Variants in DHX34 observed in about 807,000 individuals in gnomAD.
DHX34 encodes DExH-box helicase 34, also known as probable ATP-dependent RNA helicase DHX34.
A neutral mutation model predicts 111.1 loss-of-function variants in DHX34; 96 were observed. The observed-to-expected ratio is 0.86, with a 90% CI of 0.73 to 1.02. The LOEUF (loss-of-function observed/expected upper bound fraction) is 1.02, where lower values mean the gene tolerates loss of function less well. DHX34 is among the 50% of genes least tolerant of loss of function. DHX34 has a pLI of 0.00. For synonymous variants in DHX34, 688 were observed against 670.4 expected, an observed-to-expected ratio of 1.03 and a Z score of -0.41; for missense variants, 1,560 against 1,579.9, an observed-to-expected ratio of 0.99 and a Z score of 0.21.
rs1210264192 is a variant in DHX34 at position 47,379,847 on chromosome 19, C to T, written c.2844C>T (p.Ala948=). ...TGGCGGCTTCCCTGCGGCTCCGTGC[C>T]CGCTGGGAAAGTGCCCTGGACCGGC... is the stretch of plus-strand genomic sequence containing the variant. ...RLLAASLRLR[A]RWESALDRQL... is the part of the protein sequence containing the mutation. Residue 948 remains alanine, a synonymous_variant, in exon 14 of 17, where the codon GCC becomes GCT. Transcript: ENST00000328771. The T allele has an allele frequency of 1.2e-6, 2 of 1,613,662 alleles. No homozygotes were observed. Among genetic ancestry groups the T allele is most frequent in the Non-Finnish European group, 1.7e-6 (2 of 1,179,848 alleles).
Position 47,362,681 on chromosome 19 carries a change from G to C in DHX34, c.1581G>C (p.Ser527=). Residue 527 remains serine (S), a synonymous_variant, in exon 6 of 17, where the codon TCG becomes TCC. Coordinates refer to ENST00000328771, the MANE Select transcript of DHX34 (RefSeq NM_014681.6). The stretch of plus-strand genomic sequence containing the variant: ...AAATTCGGAGGGTGGCCCTGGACTC[G>C]TTGGTGCTGCAGGTGAGGCATGGGC... The part of the protein sequence containing the change: ...VPEIRRVALD[S]LVLQMKSMSV... 1 of 1,612,212 alleles carries C rather than the reference G, an allele frequency of 6.2e-7. No homozygotes were observed. The highest frequency in any genetic ancestry group is 8.5e-7 in the Non-Finnish European group (1 of 1,179,608).
chr19:47,354,306 T>C (rs1969385097), intron 2 of DHX34, among the ~76,000 whole-genome samples: 2 of 152,166 alleles, frequency 1.3e-5, no homozygotes, highest in African/African-American at 4.8e-5. Flanking sequence ...AACTGCCATC[T>C]TGGAAGGCCA....
chr19:47,354,950 G>A (rs1034122466), intron 2 of DHX34, 89 bp from the exon 3 acceptor site: 60 of 1,552,034 alleles, frequency 3.9e-5, no homozygotes, highest in Middle Eastern at 1.7e-4. Flanking sequence ...CACCGCACCC[G>A]GCCTGCTTAG....
At chr19:47,356,561 C>T (rs1178744019) in intron 3 of DHX34, among the ~76,000 whole-genome samples, 1 of 149,756 alleles carries the variant, frequency 6.7e-6, no homozygotes, top group African/African-American at 2.5e-5. Flanking sequence ...ACCCGGAGGT[C>T]GAGGTTGCAG....
chr19:47,360,984 A>C (rs1969615100), intron 5 of DHX34, among the ~76,000 whole-genome samples: 1 of 151,790 alleles, frequency 6.6e-6, no homozygotes, highest in African/African-American at 2.4e-5. Flanking sequence ...ATTCTATTTT[A>C]TGTGCTGCTC....
rs58465170 is a variant in DHX34, at chr19:47,358,144, G to A, written c.1272+24G>A. Reference sequence around the variant, plus strand: ...AGGTATCACAGGAAGCCCGAGTGGGGCAGGCGGGGGGTCTGCATGAGTCAG... The same window carrying A: ...AGGTATCACAGGAAGCCCGAGTGGGACAGGCGGGGGGTCTGCATGAGTCAG... On this transcript the variant is annotated intron_variant, in intron 4 of 16. Coordinates refer to ENST00000328771, the MANE Select transcript of DHX34 (RefSeq NM_014681.6). 1.8e-3 allele frequency: 2,800 copies of A among 1,595,316 alleles called. 49 individuals are homozygous for A. In the African/African-American group the frequency reaches 0.032, roughly 18 times the overall value.
intron 11 of DHX34, 83 bp downstream of exon 11, chr19:47,376,180 G>A: frequency 6.6e-7 from 1 of 1,504,230 alleles, no homozygotes. Flanking sequence ...GAATGCAGTG[G>A]TGACTGAAAC....
In DHX34 at chr19:47,382,187, G is replaced by C; in HGVS notation, c.*74G>C. 6.4e-7 allele frequency: 1 copy of C among 1,573,124 alleles called. No homozygotes were observed. Among genetic ancestry groups the C allele is most frequent in the Middle Eastern group, 1.8e-4 (1 of 5,526 alleles). On this transcript the variant is annotated 3_prime_UTR_variant, in exon 17 of 17. Coordinates refer to ENST00000328771, the MANE Select transcript of DHX34 (RefSeq NM_014681.6). The stretch of plus-strand genomic sequence containing the variant: ...GCCCAGGACTAGGGGCAGGACTCTT[G>C]CCTGAACCCCCAGCCTGGGCTTAGC...
At chr19:47,373,835 GGTGACCA>G in intron 9 of DHX34, 135 bp downstream of exon 9, 1 of 1,153,054 alleles carries the variant, frequency 8.7e-7, no homozygotes, top group Non-Finnish European at 1.2e-6. Flanking sequence ...CCCACCACCC[GGTGACCA>G]GGTGTTGGGG....
intron 9 of DHX34, among the ~76,000 whole-genome samples, chr19:47,374,627 G>A (rs1439609689): frequency 6.6e-6 from 1 of 152,010 alleles, no homozygotes; most frequent in African/African-American, 2.4e-5. Context: ...TTGGAGATGG[G>A]CAAGCTGAGG....
chr19:47,355,009 T>C (rs763197838), intron 2 of DHX34, 30 bp from the exon 3 acceptor site: 1 of 1,607,626 alleles, frequency 6.2e-7, no homozygotes, highest in Non-Finnish European at 8.5e-7. Flanking sequence ...CTCAGGGTCC[T>C]CTCCTGATCC....
rs371092274 is a variant in DHX34 at position 47,355,129 on chromosome 19, C to T, written c.796C>T (p.Arg266Trp). 55 of 1,613,952 alleles carry T rather than the reference C, an allele frequency of 3.4e-5. No homozygotes were observed. Among genetic ancestry groups the T allele is most frequent in the Middle Eastern group, 3.3e-4 (2 of 6,084 alleles). ...TVGLLLRQIQ[R>W]EPSLPQYEVL... ...GGGGCTGCTCCTGCGACAAATCCAG[C>T]GGGAACCCAGCCTGCCCCAGTATGA... Residue 266 changes from arginine (R) to tryptophan (W), a missense_variant, in exon 3 of 17, where the codon CGG (arginine) becomes TGG (tryptophan). Physicochemically the swap from Arg to Trp is moderately radical, Grantham distance 101. Coordinates refer to ENST00000328771, the MANE Select transcript of DHX34 (RefSeq NM_014681.6).
intron 1 of DHX34, among the ~76,000 whole-genome samples, chr19:47,352,307 T>C (rs890825015): frequency 1.3e-5 from 2 of 152,266 alleles, no homozygotes; most frequent in Non-Finnish European, 2.9e-5. Context: ...CATGGCCGTC[T>C]GTGAGGACTC....
rs780308653 is a variant in DHX34 at position 47,381,999 on chromosome 19, C to G, written c.3318C>G (p.Leu1106=). The G allele has an allele frequency of 2.5e-6, 4 of 1,614,102 alleles. No individual in the cohort carries two copies. The highest frequency in any genetic ancestry group is 2.2e-5 in the South Asian group (2 of 91,086). The change falls in exon 17 of 17, where the codon CTC becomes CTG. Residue 1106 remains leucine (L), a synonymous_variant. Transcript: ENST00000328771. ...CCTTAGGGGCTGAGGAAGCTGCCCT[C>G]GAAACCCTCCAGAAGACATCTGTCC... The part of the protein sequence containing the change: ...DGPPGAEEAA[L]ETLQKTSVLQ...
chr19:47,372,619 G>T, intron 7 of DHX34, 111 bp from the exon 8 acceptor site: 1 of 1,440,508 alleles, frequency 6.9e-7, no homozygotes, highest in Non-Finnish European at 9.1e-7. Flanking sequence ...TGGGCAAGAT[G>T]GAGGGGGTGG....
chr19:47,358,272 C>G, intron 4 of DHX34, 152 bp downstream of exon 4: 1 of 1,416,654 alleles, frequency 7.1e-7, no homozygotes, highest in Middle Eastern at 2.6e-4. Flanking sequence ...GGCTGCGAAC[C>G]CAGGTAGTCT....
At chr19:47,373,763 A>G (rs1970046234) in intron 9 of DHX34, 63 bp downstream of exon 9, 3 of 1,559,478 alleles carry the variant, frequency 1.9e-6, no homozygotes, top group Non-Finnish European at 2.6e-6. Context: ...AGCACACTCC[A>G]GAACACTGCT....
rs145555932 is a variant in DHX34 at position 47,362,499 on chromosome 19, G to T, written c.1399G>T (p.Asp467Tyr). The T allele has an allele frequency of 6.8e-4, 1,093 of 1,598,634 alleles. 12 individuals are homozygous for T. In the South Asian group the frequency reaches 7.7e-3, roughly 11 times the overall value. ...DSGKVKEMSY[D>Y]PQAKLQRLQE... ...AGGAAAGGTGAAGGAGATGAGCTACGATCCGCAGGCCAAGCTGCAACGGCT... is the reference window on the plus strand; with the variant it reads ...AGGAAAGGTGAAGGAGATGAGCTACTATCCGCAGGCCAAGCTGCAACGGCT... Residue 467 changes from aspartate (D) to tyrosine (Y), a missense_variant, in exon 6 of 17, where the codon GAT becomes TAT. By Grantham distance (160) the Asp-to-Tyr change is radical. Coordinates refer to ENST00000328771, the MANE Select transcript of DHX34 (RefSeq NM_014681.6).
At chr19:47,372,105 G>A (rs184663313) in intron 7 of DHX34, among the ~76,000 whole-genome samples, 2 of 151,136 alleles carry the variant, frequency 1.3e-5, no homozygotes, top group Admixed American at 1.3e-4. Context: ...TTTCCTCTCT[G>A]TGGCCTCCCC....
Sources: gnomAD v4.1 joint callset for allele counts (sites outside exome capture counted in the v4.1 genomes callset) on GRCh38, gnomAD v4.1.1 for gene constraint, MANE v1.5 for transcripts, NCBI Gene and HGNC (gene_info 2026-07-23, HGNC 2026-07-21) for gene names.